ARHGAP24: variants seen among roughly 807,000 people sequenced by gnomAD.
ARHGAP24 encodes rho GTPase-activating protein 24.
In ARHGAP24, 50 loss-of-function variants were observed where a neutral mutation model predicts 76.4. The ratio of observed to expected loss-of-function variants is 0.65; its 90% CI spans 0.52 to 0.83. The LOEUF (loss-of-function observed/expected upper bound fraction) is 0.83, where lower values mean the gene tolerates loss of function less well. Among genes scored for constraint, ARHGAP24 ranks in the 40% least tolerant of loss-of-function variants. ARHGAP24 has a pLI of 0.00. For missense variants in ARHGAP24, 930 were observed against 914.2 expected (o/e 1.02, Z -0.22); for synonymous variants, 345 against 323.3 (o/e 1.07, Z -0.72).
At chr4:85,777,158 T>C (rs1200872157) in intron 3 of ARHGAP24, among the ~76,000 whole-genome samples, 3 of 152,214 alleles carry the variant, frequency 2.0e-5, no homozygotes, top group African/African-American at 7.2e-5. Context: ...AAAAGTGCTA[T>C]CATACCCATT....
chr4:85,944,154 A>G (rs893732492), intron 5 of ARHGAP24, among the ~76,000 whole-genome samples: 2 of 152,188 alleles, frequency 1.3e-5, no homozygotes, highest in African/African-American at 4.8e-5. Context: ...TTGCCATTCT[A>G]ACTGGCGTGA....
In ARHGAP24 at chr4:85,871,624, G is replaced by T. The variant is rs1419121638; in HGVS notation, c.269-52024G>T. ...TCCTGCTTACCTGACCCAAGGGAAAGTGTGATGGTTGGTAAATTGGAATGG... is the reference window on the plus strand; with the variant it reads ...TCCTGCTTACCTGACCCAAGGGAAATTGTGATGGTTGGTAAATTGGAATGG... On this transcript the variant is annotated intron_variant, in intron 3 of 9. Transcript: ENST00000395184. Among the ~76,000 whole-genome samples the T allele has an allele frequency of 2.0e-5, 3 of 152,194 alleles. No individual in the cohort carries two copies. In the East Asian group the frequency reaches 5.8e-4, roughly 29 times the overall value.
At chr4:85,663,599 T>C in intron 2 of ARHGAP24, among the ~76,000 whole-genome samples, 1 of 148,760 alleles carries the variant, frequency 6.7e-6, no homozygotes, top group East Asian at 1.9e-4. Flanking sequence ...CTTGTGCCAG[T>C]TTTCAAAGGG....
chr4:85,479,779 A>G (rs1164174897), intron 1 of ARHGAP24, among the ~76,000 whole-genome samples: 1 of 152,222 alleles, frequency 6.6e-6, no homozygotes, highest in African/African-American at 2.4e-5. Context: ...GGGCTTACAC[A>G]CTGTTTAGAC....
At position 85,882,737 on chromosome 4, in the gene ARHGAP24, A is replaced by G. The variant is rs149228130; in HGVS notation, c.269-40911A>G. The stretch of plus-strand genomic sequence containing the variant: ...AGGTTCTCATAGGTGGCCAGAATGC[A>G]GCAACAGAGAACATAAAGGGACAAT... On this transcript the variant is annotated intron_variant, in intron 3 of 9. Coordinates refer to ENST00000395184, the MANE Select transcript of ARHGAP24 (RefSeq NM_001025616.3). Among the ~76,000 whole-genome samples the G allele has an allele frequency of 4.1e-4, 62 of 152,352 alleles. No individual in the cohort carries two copies. In the East Asian group the frequency reaches 0.012, roughly 29 times the overall value.
chr4:85,665,017 A>G lies in ARHGAP24; in HGVS notation c.181-56868A>G, dbSNP rs187186926. Among the ~76,000 whole-genome samples, 1,290 of 152,212 alleles carry G rather than the reference A, an allele frequency of 8.5e-3. 20 individuals carry two copies. The highest frequency in any genetic ancestry group is 0.029 in the African/African-American group (1,204 of 41,508). On this transcript the variant is annotated intron_variant, in intron 2 of 9. Coordinates refer to ENST00000395184, the MANE Select transcript of ARHGAP24 (RefSeq NM_001025616.3). Reference sequence around the variant, plus strand: ...TGATTTGGGTTGGAGAGTTCTGTCGATGTCTATTAGGTCCCCTTGGTGCAG... The same window carrying G: ...TGATTTGGGTTGGAGAGTTCTGTCGGTGTCTATTAGGTCCCCTTGGTGCAG...
At chr4:85,506,212 G>T (rs1724042037) in intron 1 of ARHGAP24, among the ~76,000 whole-genome samples, 1 of 152,182 alleles carries the variant, frequency 6.6e-6, no homozygotes, top group South Asian at 2.1e-4. Flanking sequence ...GGACCCACTT[G>T]AGGAGGCAGC....
At chr4:85,984,887 A>G (rs1272033436) in intron 8 of ARHGAP24, among the ~76,000 whole-genome samples, 1 of 152,090 alleles carries the variant, frequency 6.6e-6, no homozygotes, top group East Asian at 1.9e-4. Context: ...CAGTGGTGCA[A>G]TCTCGGACAC....
intron 3 of ARHGAP24, among the ~76,000 whole-genome samples, chr4:85,865,545 A>C (rs1732149367): frequency 1.4e-5 from 2 of 147,678 alleles, no homozygotes; most frequent in South Asian, 2.1e-4. Context: ...ATCAAGAATA[A>C]TTAATTATTA....
At chr4:85,809,276 A>G (rs1006347475) in intron 3 of ARHGAP24, among the ~76,000 whole-genome samples, 2 of 152,118 alleles carry the variant, frequency 1.3e-5, no homozygotes, top group African/African-American at 4.8e-5. Context: ...AATGAGTGCA[A>G]ATTAAAAAAC....
chr4:85,986,522 A>G (rs1396076239), intron 8 of ARHGAP24, among the ~76,000 whole-genome samples: 1 of 152,178 alleles, frequency 6.6e-6, no homozygotes, highest in East Asian at 1.9e-4. Context: ...CAGTTTTCAC[A>G]TAGTATCACA....
At chr4:85,837,514 G>A (rs1367951475) in intron 3 of ARHGAP24, among the ~76,000 whole-genome samples, 6 of 151,920 alleles carry the variant, frequency 3.9e-5, no homozygotes, top group East Asian at 1.9e-4. Flanking sequence ...AAGACAAATC[G>A]AAAGAGAAAA....
intron 1 of ARHGAP24, among the ~76,000 whole-genome samples, chr4:85,505,224 T>A (rs1723997038): frequency 6.6e-6 from 1 of 152,176 alleles, no homozygotes; most frequent in Non-Finnish European, 1.5e-5. Flanking sequence ...TCGAGGAGTA[T>A]CTTTGTGGTG....
At chr4:85,922,015 C>T (rs2148810517) in intron 3 of ARHGAP24, among the ~76,000 whole-genome samples, 1 of 152,202 alleles carries the variant, frequency 6.6e-6, no homozygotes, top group Middle Eastern at 3.4e-3. Context: ...TGGAACTAGA[C>T]ATGTAAAAGA....
intron 1 of ARHGAP24, among the ~76,000 whole-genome samples, chr4:85,541,367 A>G (rs1264236409): frequency 2.5e-5 from 3 of 120,894 alleles, no homozygotes; most frequent in Non-Finnish European, 4.6e-5. Flanking sequence ...TTTAGCCGGG[A>G]TGGTCTTGAT....
intron 3 of ARHGAP24, among the ~76,000 whole-genome samples, chr4:85,878,183 A>T (rs1733041386): frequency 6.6e-6 from 1 of 152,138 alleles, no homozygotes; most frequent in East Asian, 1.9e-4. Flanking sequence ...TAGATTAGAT[A>T]GATTAGTTGA....
Position 86,000,993 on chromosome 4 carries a change from A to G in ARHGAP24, c.*271A>G. ...TAAAAATGAGAAGCATATTTCAAGA[A>G]TTATTTTATTGCAAGTCTTGTATTT... On this transcript the variant is annotated 3_prime_UTR_variant, in exon 10 of 10. Coordinates refer to ENST00000395184, the MANE Select transcript of ARHGAP24 (RefSeq NM_001025616.3). 1.9e-6 allele frequency: 1 copy of G among 515,842 alleles called. No individual in the cohort carries two copies. Among genetic ancestry groups the G allele is most frequent in the Middle Eastern group, 5.2e-4 (1 of 1,920 alleles). The allele number at this position is 515,842 out of a possible 1,614,324, so 32.0% of individuals were successfully genotyped here.
intron 7 of ARHGAP24, among the ~76,000 whole-genome samples, chr4:85,976,142 T>G (rs139811998): frequency 4.3e-4 from 65 of 152,360 alleles, no homozygotes; most frequent in African/African-American, 1.5e-3. Flanking sequence ...AGTCTTTATC[T>G]CCACAATAGA....
chr4:85,800,764 C>T (rs1356153450), intron 3 of ARHGAP24, among the ~76,000 whole-genome samples: 1 of 152,176 alleles, frequency 6.6e-6, no homozygotes, highest in East Asian at 1.9e-4. Flanking sequence ...TGGCCCTCTG[C>T]TAAATGCTGG....
Sources: allele counts gnomAD v4.1 joint callset (sites outside exome capture counted in the v4.1 genomes callset), GRCh38; gene constraint gnomAD v4.1.1; transcripts MANE v1.5; gene names NCBI Gene and HGNC (gene_info 2026-07-23, HGNC 2026-07-21).